Variants in TIAM1 observed in about 807,000 individuals in gnomAD.
The protein encoded by TIAM1 is TIAM Rac1 associated GEF 1, also known as rho guanine nucleotide exchange factor TIAM1.
TIAM1 carries 65 observed loss-of-function variants against 163.5 expected under a neutral mutation model. The ratio of observed to expected loss-of-function variants is 0.40; its 90% CI spans 0.33 to 0.49. The LOEUF (loss-of-function observed/expected upper bound fraction) is 0.49. Ranked by LOEUF, TIAM1 falls within the 20% of genes least tolerant of loss-of-function variation. The pLI, the probability that TIAM1 is intolerant of heterozygous loss-of-function variation, is 0.77. For missense variants in TIAM1, 1,789 were observed against 2,044.7 expected (o/e 0.87, Z 2.41); for synonymous variants, 833 against 810.1 (o/e 1.03, Z -0.48).
chr21:31,425,600 AC>A (rs2147267729), intron 2 of TIAM1, among the ~76,000 whole-genome samples: 2 of 132,586 alleles, frequency 1.5e-5, no homozygotes, highest in South Asian at 4.6e-4. Flanking sequence ...TTTTTTTTTT[AC>A]ATTTTTATTT....
chr21:31,365,328 T>C (rs1054313681), intron 2 of TIAM1, among the ~76,000 whole-genome samples: 7 of 152,116 alleles, frequency 4.6e-5, no homozygotes, highest in Non-Finnish European at 8.8e-5. Flanking sequence ...TGTTTCCGTC[T>C]TGTCCAATGG....
At chr21:31,445,253 T>C (rs530904617) in intron 2 of TIAM1, among the ~76,000 whole-genome samples, 5 of 152,292 alleles carry the variant, frequency 3.3e-5, no homozygotes, top group Non-Finnish European at 7.4e-5. Context: ...TTTAAATCTA[T>C]TAAATAAAGA....
intron 2 of TIAM1, among the ~76,000 whole-genome samples, chr21:31,352,200 G>A (rs2076245857): frequency 6.6e-6 from 1 of 152,110 alleles, no homozygotes; most frequent in Non-Finnish European, 1.5e-5. Flanking sequence ...TCAGATGAAT[G>A]AATAAACAAA....
intron 2 of TIAM1, chr21:31,452,715 A>G (rs796756569): frequency 4.0e-5 from 18 of 454,284 alleles, no homozygotes; most frequent in Admixed American, 6.2e-5. Context: ...CAAAAGTAAT[A>G]AAAGCTCTAA....
intron 2 of TIAM1, among the ~76,000 whole-genome samples, chr21:31,306,850 C>T (rs978350624): frequency 1.3e-5 from 2 of 152,142 alleles, no homozygotes; most frequent in African/African-American, 4.8e-5. Context: ...TCCAGCGCCC[C>T]GATTGACTGG....
chr21:31,308,589 G>C (rs1327639058), intron 2 of TIAM1, among the ~76,000 whole-genome samples: 2 of 152,022 alleles, frequency 1.3e-5, no homozygotes, highest in Non-Finnish European at 2.9e-5. Context: ...AAAAGGACCT[G>C]GCACATTGTA....
intron 2 of TIAM1, among the ~76,000 whole-genome samples, chr21:31,359,415 C>T (rs1287408245): frequency 6.6e-6 from 1 of 152,020 alleles, no homozygotes; most frequent in Non-Finnish European, 1.5e-5. Flanking sequence ...ATAGTATTTG[C>T]TCTTCACAAG....
At chr21:31,254,877 G>A (rs117413209) in intron 4 of TIAM1, among the ~76,000 whole-genome samples, 157 of 152,292 alleles carry the variant, frequency 1.0e-3, no homozygotes, top group East Asian at 2.9e-3. Context: ...AAGGAAAAGC[G>A]AGGCAGAAAC....
rs1344637351 is a variant in TIAM1 at position 31,141,733 on chromosome 21, A to C, written c.3476-229T>G. ...GGGTGGGGAGAAGCCTGATGAGTTAAAGGATGACGGAGTGTAGACTGCAGA... is the reference window on the plus strand; with the variant it reads ...GGGTGGGGAGAAGCCTGATGAGTTACAGGATGACGGAGTGTAGACTGCAGA... On this transcript the variant is annotated intron_variant, in intron 20 of 27. Transcript: ENST00000541036. The surrounding 1 kb of genome is among the most constrained non-coding windows in gnomAD (Gnocchi z 4.7). Among the ~76,000 whole-genome samples the C allele has an allele frequency of 6.6e-6, 1 of 152,048 alleles. No individual in the cohort carries two copies. The highest frequency in any genetic ancestry group is 1.5e-5 in the Non-Finnish European group (1 of 68,004).
chr21:31,429,607 G>A (rs1417522690), intron 2 of TIAM1, among the ~76,000 whole-genome samples: 3 of 152,144 alleles, frequency 2.0e-5, no homozygotes, highest in Non-Finnish European at 4.4e-5. Flanking sequence ...CCATGGGGGA[G>A]TTTGCACAGT....
At chr21:31,426,022 C>T (rs113553544) in intron 2 of TIAM1, among the ~76,000 whole-genome samples, 4,543 of 152,112 alleles carry the variant, frequency 0.03, 210 homozygotes, top group African/African-American at 0.1. Flanking sequence ...CGTAAACCAC[C>T]GCGCCCAGAC....
intron 1 of TIAM1, among the ~76,000 whole-genome samples, chr21:31,531,832 G>C (rs989808917): frequency 6.6e-6 from 1 of 151,526 alleles, no homozygotes; most frequent in Non-Finnish European, 1.5e-5. Flanking sequence ...GAAACCAACA[G>C]AAGGCCAGGC....
chr21:31,299,259 A>T (rs1292786834), intron 2 of TIAM1, among the ~76,000 whole-genome samples: 1 of 152,236 alleles, frequency 6.6e-6, no homozygotes, highest in African/African-American at 2.4e-5. Context: ...TTAAAAATAA[A>T]TGCCCCTCCC....
chr21:31,402,644 C>A (rs922114720), intron 2 of TIAM1, among the ~76,000 whole-genome samples: 1 of 152,060 alleles, frequency 6.6e-6, no homozygotes, highest in African/African-American at 2.4e-5. Context: ...AGTTTCTCCC[C>A]GTTAGAAAAA....
intron 6 of TIAM1, among the ~76,000 whole-genome samples, chr21:31,232,375 C>T (rs1264908832): frequency 1.3e-5 from 2 of 152,128 alleles, no homozygotes; most frequent in African/African-American, 2.4e-5. Flanking sequence ...ACAGTCCCTA[C>T]CATTCTCTAT....
At chr21:31,396,488 A>G (rs1469645698) in intron 2 of TIAM1, among the ~76,000 whole-genome samples, 2 of 151,948 alleles carry the variant, frequency 1.3e-5, no homozygotes, top group Admixed American at 1.3e-4. Context: ...TACCTGCCCC[A>G]CTGTAGCTCC....
Position 31,120,310 on chromosome 21 carries a change from T to C in TIAM1, c.*58A>G. ...CATTCTTGTCGACGGTACAGGAGGG[T>C]GGGCAGAGTTAGGGCAGGAAGTATC... On this transcript the variant is annotated 3_prime_UTR_variant, in exon 28 of 28. Transcript: ENST00000541036. This position sits in a 1 kb window ranked among gnomAD's most constrained non-coding sequence, Gnocchi z 4.2. 1.3e-6 allele frequency: 2 copies of C among 1,494,556 alleles called. No homozygotes were observed. Among genetic ancestry groups the C allele is most frequent in the African/African-American group, 2.8e-5 (2 of 72,238 alleles). 92.6% of individuals were successfully genotyped at this position (1,494,556 alleles called of 1,614,324 possible).
At chr21:31,376,765 T>C (rs566856484) in intron 2 of TIAM1, among the ~76,000 whole-genome samples, 2 of 152,066 alleles carry the variant, frequency 1.3e-5, no homozygotes, top group East Asian at 3.9e-4. Context: ...TTCTGTAATA[T>C]CCTGGATGAA....
At chr21:31,146,814 C>G in intron 20 of TIAM1, 81 bp downstream of exon 20, 1 of 1,108,460 alleles carries the variant, frequency 9.0e-7, no homozygotes. Flanking sequence ...TCTTAGATTT[C>G]TGCCCAAAAG....
Sources: gnomAD v4.1 joint callset for allele counts (sites outside exome capture counted in the v4.1 genomes callset) on GRCh38, gnomAD v4.1.1 for gene constraint, Gnocchi (gnomAD v3.1) non-coding constraint, MANE v1.5 for transcripts, NCBI Gene and HGNC (gene_info 2026-07-23, HGNC 2026-07-21) for gene names.